C1orf21: variants seen among roughly 807,000 people sequenced by gnomAD.
The protein encoded by C1orf21 is chromosome 1 open reading frame 21, also known as uncharacterized protein C1orf21.
In C1orf21, 3 loss-of-function variants were observed where a neutral mutation model predicts 18.7. The ratio of observed to expected loss-of-function variants is 0.16; its 90% CI spans 0.07 to 0.42. The LOEUF is 0.42. C1orf21 is among the 10% of genes least tolerant of loss of function. The pLI, the probability that C1orf21 is intolerant of heterozygous loss-of-function variation, is 0.99. For missense variants in C1orf21, 104 were observed against 143.6 expected (o/e 0.72, Z 1.41); for synonymous variants, 41 against 46.4 (o/e 0.88, Z 0.47).
intron 1 of C1orf21, among the ~76,000 whole-genome samples, chr1:184,460,150 T>A (rs1657279082): frequency 6.6e-6 from 1 of 152,202 alleles, no homozygotes; most frequent in South Asian, 2.1e-4. Flanking sequence ...TGTAGACATT[T>A]AGCCGCAGAT....
At chr1:184,458,490 T>C (rs1183770896) in intron 1 of C1orf21, among the ~76,000 whole-genome samples, 2 of 152,180 alleles carry the variant, frequency 1.3e-5, no homozygotes, top group Non-Finnish European at 2.9e-5. Context: ...TACTTCTAGA[T>C]CTAGACTATT....
chr1:184,502,189 CGG>C (rs1217944586), intron 2 of C1orf21, among the ~76,000 whole-genome samples: 1 of 152,160 alleles, frequency 6.6e-6, no homozygotes, highest in African/African-American at 2.4e-5. Context: ...TTATTTTTCA[CGG>C]TTCTAGAGGC....
chr1:184,469,218 C>A (rs1468921463), intron 1 of C1orf21, among the ~76,000 whole-genome samples: 1 of 152,172 alleles, frequency 6.6e-6, no homozygotes, highest in Non-Finnish European at 1.5e-5. Context: ...CCACTGCACT[C>A]CAGTCTGGGT....
rs569407259 is a variant in C1orf21 at position 184,570,146 on chromosome 1, T to C, written c.190-20593T>C. Among the ~76,000 whole-genome samples the C allele has an allele frequency of 3.5e-4, 53 of 152,144 alleles. 1 individual carries two copies. Among genetic ancestry groups the C allele is most frequent in the Admixed American group, 7.2e-4 (11 of 15,270 alleles). On this transcript the variant is annotated intron_variant, in intron 3 of 5. Transcript: ENST00000235307. The stretch of plus-strand genomic sequence containing the variant: ...TACTATATTAAATAAGATTTAAATA[T>C]ATATTTTTCAGGCACAACTTTTTTA...
chr1:184,539,473 G>C (rs1389491415), intron 3 of C1orf21, among the ~76,000 whole-genome samples: 1 of 152,040 alleles, frequency 6.6e-6, no homozygotes, highest in African/African-American at 2.4e-5. Context: ...GTCTTTGTCT[G>C]GCTTCCGTAT....
At chr1:184,390,509 T>G (rs774608910) in intron 1 of C1orf21, among the ~76,000 whole-genome samples, 2 of 152,210 alleles carry the variant, frequency 1.3e-5, no homozygotes, top group Non-Finnish European at 2.9e-5. Flanking sequence ...GTAAATCTAC[T>G]TATACATCTA....
At chr1:184,493,989 TATG>T (rs1200222299) in intron 2 of C1orf21, among the ~76,000 whole-genome samples, 5 of 152,200 alleles carry the variant, frequency 3.3e-5, no homozygotes, top group Admixed American at 1.3e-4. Flanking sequence ...TAACATGTAA[TATG>T]ATAATGATTG....
chr1:184,558,956 A>G (rs2101984963), intron 3 of C1orf21, among the ~76,000 whole-genome samples: 1 of 152,244 alleles, frequency 6.6e-6, no homozygotes, highest in East Asian at 1.9e-4. Context: ...CTGACAAGGT[A>G]TGAGTCCAGA....
intron 5 of C1orf21, among the ~76,000 whole-genome samples, chr1:184,618,051 A>T (rs776898576): frequency 6.6e-6 from 1 of 151,910 alleles, no homozygotes; most frequent in Non-Finnish European, 1.5e-5. Flanking sequence ...CTGGGACTAC[A>T]GGTGCCCGCC....
intron 3 of C1orf21, among the ~76,000 whole-genome samples, chr1:184,572,924 C>T (rs1659133573): frequency 6.7e-6 from 1 of 149,918 alleles, no homozygotes; most frequent in South Asian, 2.1e-4. Context: ...GTACTCTAGC[C>T]TGGGAGACAG....
At chr1:184,542,348 A>C (rs1287006691) in intron 3 of C1orf21, among the ~76,000 whole-genome samples, 2 of 152,206 alleles carry the variant, frequency 1.3e-5, no homozygotes, top group African/African-American at 4.8e-5. Flanking sequence ...TTAAACACTT[A>C]GGTAACTTGC....
chr1:184,425,267 C>CTT (rs34302683), intron 1 of C1orf21, among the ~76,000 whole-genome samples: 17 of 144,368 alleles, frequency 1.2e-4, no homozygotes, highest in African/African-American at 3.8e-4. Context: ...ATCCTGATAT[C>CTT]TTTTTTTTTT....
chr1:184,577,206 A>C (rs1659205145), intron 3 of C1orf21, among the ~76,000 whole-genome samples: 2 of 151,132 alleles, frequency 1.3e-5, no homozygotes, highest in South Asian at 4.2e-4. Flanking sequence ...AAGGATTCGT[A>C]CAAGAGGGAA....
At chr1:184,520,234 A>G (rs1658288241) in intron 3 of C1orf21, among the ~76,000 whole-genome samples, 1 of 152,184 alleles carries the variant, frequency 6.6e-6, no homozygotes, top group Non-Finnish European at 1.5e-5. Flanking sequence ...TTCGAGTGTA[A>G]TGGTACATTA....
At chr1:184,465,311 C>T (rs1471644803) in intron 1 of C1orf21, among the ~76,000 whole-genome samples, 2 of 152,136 alleles carry the variant, frequency 1.3e-5, no homozygotes, top group Non-Finnish European at 1.5e-5. Flanking sequence ...TTCTGACACA[C>T]TGAAAAGCCA....
intron 2 of C1orf21, among the ~76,000 whole-genome samples, chr1:184,493,159 A>C (rs973497460): frequency 6.6e-6 from 1 of 152,230 alleles, no homozygotes; most frequent in Admixed American, 6.5e-5. Context: ...ATGGTCTTTG[A>C]CAGTTTTTTA....
At chr1:184,569,106 G>A (rs539970574) in intron 3 of C1orf21, among the ~76,000 whole-genome samples, 7 of 152,290 alleles carry the variant, frequency 4.6e-5, no homozygotes, top group African/African-American at 1.7e-4. Context: ...GAATAGGGAG[G>A]GAGACAGTGG....
At chr1:184,570,483 C>T (rs1000257709) in intron 3 of C1orf21, among the ~76,000 whole-genome samples, 1 of 152,130 alleles carries the variant, frequency 6.6e-6, no homozygotes, top group Non-Finnish European at 1.5e-5. Flanking sequence ...TCAGGCAGGG[C>T]AAACAACTCT....
chr1:184,477,665 G>A, intron 2 of C1orf21, 62 bp downstream of exon 2: 1 of 1,305,972 alleles, frequency 7.7e-7, no homozygotes, highest in Non-Finnish European at 1.1e-6. Flanking sequence ...TTTTTTTATT[G>A]ATACATAATA....
Sources: gnomAD v4.1 joint callset for allele counts (sites outside exome capture counted in the v4.1 genomes callset) on GRCh38, gnomAD v4.1.1 for gene constraint, MANE v1.5 for transcripts, NCBI Gene and HGNC (gene_info 2026-07-23, HGNC 2026-07-21) for gene names.